The following KCNC1 variants were observed in gnomAD, a reference collection of about 807,000 sequenced individuals.
The protein encoded by KCNC1 is voltage-gated potassium channel KCNC1.
In KCNC1, 8 loss-of-function variants were observed where a neutral mutation model predicts 43.4. That is an observed-to-expected ratio of 0.18 (90% CI 0.11 to 0.33). KCNC1 has a LOEUF of 0.33. Among genes scored for constraint, KCNC1 ranks in the 10% least tolerant of loss-of-function variants. The probability of loss-of-function intolerance (pLI) is 1.00; values close to 1 mark genes in which losing one functional copy is unlikely to be tolerated. For synonymous variants in KCNC1, 361 were observed against 360.5 expected (o/e 1.00, Z -0.01); for missense variants, 420 against 836.0 (o/e 0.50, Z 6.14).
At chr11:17,737,828 A>G (rs1310793980) in intron 1 of KCNC1, among the ~76,000 whole-genome samples, 1 of 152,076 alleles carries the variant, frequency 6.6e-6, no homozygotes, top group African/African-American at 2.4e-5. Context: ...CCTCCTGCGC[A>G]CTGGAGCCTG....
chr11:17,775,035 A>C (rs1028018161), intron 2 of KCNC1: 59 of 985,096 alleles, frequency 6.0e-5, no homozygotes, highest in Non-Finnish European at 6.4e-5. Flanking sequence ...GCTTGCAGCC[A>C]TGCACCTAGA....
In KCNC1 at chr11:17,781,624, A is replaced by G; in HGVS notation, c.1694-46A>G. 2 of 1,325,724 alleles carry G rather than the reference A, an allele frequency of 1.5e-6. No individual in the cohort carries two copies. Among genetic ancestry groups the G allele is most frequent in the Non-Finnish European group, 1.1e-6 (1 of 942,970 alleles). The allele number at this position is 1,325,724 out of a possible 1,614,324, so 82.1% of individuals were successfully genotyped here. A position where few individuals can be genotyped will look rare whatever the true frequency, so the allele number is the denominator to read the frequency against. ...AACTAAGTACCAAGCGGGATGGGAGAGCCAAGAAGAGAAGCTCAAGTGTTA... is the reference window on the plus strand; with the variant it reads ...AACTAAGTACCAAGCGGGATGGGAGGGCCAAGAAGAGAAGCTCAAGTGTTA... On this transcript the variant is annotated intron_variant, in intron 3 of 3. Transcript: ENST00000265969. This position sits in a 1 kb window ranked among gnomAD's most constrained non-coding sequence, Gnocchi z 5.1.
At chr11:17,761,847 C>A (rs946471884) in intron 1 of KCNC1, among the ~76,000 whole-genome samples, 1 of 152,178 alleles carries the variant, frequency 6.6e-6, no homozygotes, top group African/African-American at 2.4e-5. Flanking sequence ...GGGCTCTGCG[C>A]TTGGATCTCC....
At chr11:17,738,195 G>C (rs1038221570) in intron 1 of KCNC1, among the ~76,000 whole-genome samples, 1 of 152,112 alleles carries the variant, frequency 6.6e-6, no homozygotes. Context: ...TCCTCCCCTG[G>C]GCTGCCTACC....
rs1332472875 is a variant in KCNC1 at position 17,779,756 on chromosome 11, G to A, written c.1693+112G>A. 7 of 870,566 alleles carry A rather than the reference G, an allele frequency of 8.0e-6. No homozygotes were observed. Among genetic ancestry groups the A allele is most frequent in the Admixed American group, 7.2e-5 (2 of 27,744 alleles). 53.9% of individuals were successfully genotyped at this position (870,566 alleles called of 1,614,324 possible). On this transcript the variant is annotated intron_variant, in intron 3 of 3. Transcript: ENST00000265969. The surrounding 1 kb of genome is among the most constrained non-coding windows in gnomAD (Gnocchi z 7.2). ...CTGAGGGGCAGGCAGGCACACCGAG[G>A]GGGGCAAGGATGGAGGGAATCTCCC...
rs1481380950 is a variant in KCNC1, at chr11:17,734,960, C to G, written c.-1043C>G. On this transcript the variant is annotated 5_prime_UTR_variant, in exon 1 of 4. Transcript: ENST00000265969. ...CTCCCCGCCCGACCTCCGCAGCCCC[C>G]GTCTCGGCCGGCAGCGCCCACCGCC... 6.6e-6 allele frequency: 1 copy of G among 151,098 alleles called. No homozygotes were observed. 9.4% of individuals were successfully genotyped at this position (151,098 alleles called of 1,614,324 possible). A position where few individuals can be genotyped will look rare whatever the true frequency, so the allele number is the denominator to read the frequency against.
chr11:17,772,394 G>A lies in KCNC1; in HGVS notation c.1300G>A (p.Val434Ile). ...GVLTIAMPVPVIVNNFGMYYS... is the reference protein window; with the variant it reads ...GVLTIAMPVPIIVNNFGMYYS... ...GCTCACCATCGCCATGCCCGTGCCC[G>A]TCATCGTGAACAATTTCGGGATGTA... The change falls in exon 2 of 4, where the codon GTC becomes ATC. Residue 434 changes from valine to isoleucine, a missense_variant. Physicochemically the swap from Val to Ile is conservative, Grantham distance 29. Transcript: ENST00000265969. The A allele has an allele frequency of 6.2e-7, 1 of 1,614,164 alleles. No homozygotes were observed. Among genetic ancestry groups the A allele is most frequent in the Non-Finnish European group, 8.5e-7 (1 of 1,180,042 alleles).
rs952259733 is a variant in KCNC1 at position 17,782,608 on chromosome 11, G to T, written c.*874G>T. On this transcript the variant is annotated 3_prime_UTR_variant, in exon 4 of 4. Coordinates refer to ENST00000265969, the MANE Select transcript of KCNC1 (RefSeq NM_001112741.2). ...AAAGATCAGGACCACGGGAGGAGCAGCCTCCTCCACCTTTACTAAGGCACA... is the reference window on the plus strand; with the variant it reads ...AAAGATCAGGACCACGGGAGGAGCATCCTCCTCCACCTTTACTAAGGCACA... 1 of 152,216 alleles carries T rather than the reference G, an allele frequency of 6.6e-6. No individual in the cohort carries two copies. Among genetic ancestry groups the T allele is most frequent in the Non-Finnish European group, 1.5e-5 (1 of 68,044 alleles). The allele number at this position is 152,216 out of a possible 1,614,324, so 9.4% of individuals were successfully genotyped here. A position where few individuals can be genotyped will look rare whatever the true frequency, so the allele number is the denominator to read the frequency against.
Position 17,781,387 on chromosome 11 carries a change from G to C in KCNC1, c.1694-283G>C, listed in dbSNP as rs925043257. 1.2e-5 allele frequency: 5 copies of C among 410,536 alleles called. No individual in the cohort carries two copies. Among genetic ancestry groups the C allele is most frequent in the Non-Finnish European group, 1.7e-5 (4 of 229,818 alleles). The allele number at this position is 410,536 out of a possible 1,614,324, so 25.4% of individuals were successfully genotyped here. On this transcript the variant is annotated intron_variant, in intron 3 of 3. Coordinates refer to ENST00000265969, the MANE Select transcript of KCNC1 (RefSeq NM_001112741.2). The surrounding 1 kb of genome is among the most constrained non-coding windows in gnomAD (Gnocchi z 5.1). ...CTCATGGAGCCACGACAGCCGCCGA[G>C]GACTTGTTTTTCTCAGGCTAATTCT...
intron 1 of KCNC1, among the ~76,000 whole-genome samples, chr11:17,765,250 C>T (rs777832084): frequency 3.9e-5 from 6 of 152,234 alleles, no homozygotes; most frequent in Non-Finnish European, 5.9e-5. Flanking sequence ...GTTCCTGAAA[C>T]GCCAGACTGC....
chr11:17,760,980 T>C (rs1279202106), intron 1 of KCNC1, among the ~76,000 whole-genome samples: 1 of 152,234 alleles, frequency 6.6e-6, no homozygotes, highest in African/African-American at 2.4e-5. Context: ...TCGGCAGCTC[T>C]GGCTTGAGCC....
Position 17,736,230 on chromosome 11 carries a change from G to A in KCNC1, c.228G>A (p.Leu76=), listed in dbSNP as rs1309850181. The change falls in exon 1 of 4, where the codon CTG becomes CTA. Residue 76 remains leucine (L), a synonymous_variant. Transcript: ENST00000265969. This position sits in a 1 kb window ranked among gnomAD's most constrained non-coding sequence, Gnocchi z 9.3. The part of the protein sequence containing the change: ...HILNYYRTGK[L]HCPADVCGPL... ...TGAACTACTACCGCACGGGCAAGCT[G>A]CACTGCCCAGCCGACGTGTGCGGGC... 5.6e-6 allele frequency: 9 copies of A among 1,613,804 alleles called. No individual in the cohort carries two copies. The Admixed American group carries it at 6.7e-5, about 12-fold the overall frequency.
Position 17,739,865 on chromosome 11 carries a change from GTGTA to G in KCNC1, c.570+3297_570+3300del, listed in dbSNP as rs1405134433. 6.6e-6 allele frequency among the ~76,000 whole-genome samples: 1 copy of G among 152,086 alleles called. No individual in the cohort carries two copies. Among genetic ancestry groups the G allele is most frequent in the Non-Finnish European group, 1.5e-5 (1 of 68,008 alleles). The stretch of plus-strand genomic sequence containing the variant: ...ACCCACGTGTGTGTCAGTGTGCTGT[GTGTA>G]TGTGAGAGAGAGGTCCTGTGCATCC... On this transcript the variant is annotated intron_variant, in intron 1 of 3. Transcript: ENST00000265969. This position sits in a 1 kb window ranked among gnomAD's most constrained non-coding sequence, Gnocchi z 4.2.
At chr11:17,774,114 C>T (rs1029370529) in intron 2 of KCNC1, 1 of 985,494 alleles carries the variant, frequency 1.0e-6, no homozygotes, top group Non-Finnish European at 1.2e-6. Flanking sequence ...GGTCCTTTCA[C>T]CCTGCCGCAT....
In KCNC1 at chr11:17,736,602, G is replaced by T. The variant is rs983362695; in HGVS notation, c.570+30G>T. On this transcript the variant is annotated intron_variant, in intron 1 of 3. Coordinates refer to ENST00000265969, the MANE Select transcript of KCNC1 (RefSeq NM_001112741.2). The surrounding 1 kb of genome is among the most constrained non-coding windows in gnomAD (Gnocchi z 9.3). ...GTGACAATTTACCCATCAGAAGAGC[G>T]GGGCGGGAAGGCAGCGTCCTGTGCC... 1.4e-6 allele frequency: 2 copies of T among 1,464,338 alleles called. No individual in the cohort carries two copies. The highest frequency in any genetic ancestry group is 2.5e-5 in the East Asian group (1 of 40,468). 90.7% of individuals were successfully genotyped at this position (1,464,338 alleles called of 1,614,324 possible).
intron 1 of KCNC1, among the ~76,000 whole-genome samples, chr11:17,762,059 C>G (rs1849083972): frequency 6.6e-6 from 1 of 152,226 alleles, no homozygotes; most frequent in Admixed American, 6.5e-5. Context: ...GACAGCTCCT[C>G]CGGCCCCATC....
rs906631565 is a variant in KCNC1 at position 17,771,208 on chromosome 11, C to T, written c.571-457C>T. ...GAGGGGCTTCATTCCACTCTAGCTG[C>T]CCCCTCTTATTTCTTTGCAAACTTC... is the stretch of plus-strand genomic sequence containing the variant. On this transcript the variant is annotated intron_variant, in intron 1 of 3. Coordinates refer to ENST00000265969, the MANE Select transcript of KCNC1 (RefSeq NM_001112741.2). The surrounding 1 kb of genome is among the most constrained non-coding windows in gnomAD (Gnocchi z 4.7). Among the ~76,000 whole-genome samples the T allele has an allele frequency of 4.0e-5, 6 of 151,214 alleles. No homozygotes were observed. Among genetic ancestry groups the T allele is most frequent in the Admixed American group, 4.0e-4 (6 of 15,134 alleles).
At chr11:17,744,285 C>A (rs1030041017) in intron 1 of KCNC1, among the ~76,000 whole-genome samples, 1 of 152,178 alleles carries the variant, frequency 6.6e-6, no homozygotes, top group African/African-American at 2.4e-5. Flanking sequence ...CAAGCCAGTC[C>A]TCCCCTATTT....
At position 17,779,710 on chromosome 11, in the gene KCNC1, G is replaced by C; in HGVS notation, c.1693+66G>C. 7.6e-7 allele frequency: 1 copy of C among 1,321,978 alleles called. No individual in the cohort carries two copies. The highest frequency in any genetic ancestry group is 9.9e-7 in the Non-Finnish European group (1 of 1,008,696). The allele number at this position is 1,321,978 out of a possible 1,614,324, so 81.9% of individuals were successfully genotyped here. A position where few individuals can be genotyped will look rare whatever the true frequency, so the allele number is the denominator to read the frequency against. On this transcript the variant is annotated intron_variant, in intron 3 of 3. Coordinates refer to ENST00000265969, the MANE Select transcript of KCNC1 (RefSeq NM_001112741.2). The surrounding 1 kb of genome is among the most constrained non-coding windows in gnomAD (Gnocchi z 7.2). ...GCCTCGCGCTCCTGCAGATGGGTGG[G>C]CAGGGCGGCGGGCAAGGGCGCTGAG...
Sources: gnomAD v4.1 joint callset for allele counts (sites outside exome capture counted in the v4.1 genomes callset) on GRCh38, gnomAD v4.1.1 for gene constraint, Gnocchi (gnomAD v3.1) non-coding constraint, MANE v1.5 for transcripts, NCBI Gene and HGNC (gene_info 2026-07-23, HGNC 2026-07-21) for gene names.